ANO6: variants seen among roughly 807,000 people sequenced by gnomAD.
The protein encoded by ANO6 is anoctamin-6.
Under a neutral mutation model 117.5 loss-of-function variants are expected in ANO6, and 106 were observed. That is an observed-to-expected ratio of 0.90 (90% confidence interval 0.77 to 1.06). The LOEUF (loss-of-function observed/expected upper bound fraction) is 1.06. Ranked by LOEUF, ANO6 falls within the 50% of genes least tolerant of loss-of-function variation. ANO6 has a pLI of 0.00. For missense variants in ANO6, 955 were observed against 1,121.1 expected, an observed-to-expected ratio of 0.85 and a Z score of 2.12; for synonymous variants, 367 against 385.1, an observed-to-expected ratio of 0.95 and a Z score of 0.55.
chr12:45,364,059 T>G (rs2137496353), intron 8 of ANO6, among the ~76,000 whole-genome samples: 1 of 152,350 alleles, frequency 6.6e-6, no homozygotes, highest in South Asian at 2.1e-4. Flanking sequence ...GAAGGATGGG[T>G]TTGCTGGATA....
chr12:45,296,996 C>A (rs1333700165), intron 1 of ANO6, among the ~76,000 whole-genome samples: 1 of 151,994 alleles, frequency 6.6e-6, no homozygotes, highest in Non-Finnish European at 1.5e-5. Context: ...CTTTGCCCAA[C>A]TTTGTGAGAT....
chr12:45,339,674 A>G (rs1940924493), intron 3 of ANO6, among the ~76,000 whole-genome samples: 1 of 152,118 alleles, frequency 6.6e-6, no homozygotes. Context: ...CCAACACGTG[A>G]ATTTAAATTA....
downstream of ANO6, among the ~76,000 whole-genome samples, chr12:45,434,422 C>T (rs192708387): frequency 9.2e-5 from 14 of 152,306 alleles, no homozygotes; most frequent in East Asian, 2.1e-3. Context: ...CTGACCACAC[C>T]GCTGGGCTTT....
At chr12:45,418,238 C>T (rs1402532690) in intron 17 of ANO6, among the ~76,000 whole-genome samples, 3 of 152,160 alleles carry the variant, frequency 2.0e-5, no homozygotes, top group Non-Finnish European at 4.4e-5. Context: ...TATCTGGAAC[C>T]TAGCTGTCAT....
intron 2 of ANO6, among the ~76,000 whole-genome samples, chr12:45,321,284 G>T (rs1173064496): frequency 6.6e-6 from 1 of 152,126 alleles, no homozygotes; most frequent in Non-Finnish European, 1.5e-5. Flanking sequence ...AGTTTATAAA[G>T]GTTAGTTGCA....
At chr12:45,273,526 G>A (rs779492427) in intron 1 of ANO6, among the ~76,000 whole-genome samples, 1 of 152,158 alleles carries the variant, frequency 6.6e-6, no homozygotes, top group South Asian at 2.1e-4. Flanking sequence ...GTGATTTTGG[G>A]CAAGTCACTT....
At chr12:45,289,227 T>C (rs1592921735) in intron 1 of ANO6, among the ~76,000 whole-genome samples, 1 of 145,266 alleles carries the variant, frequency 6.9e-6, no homozygotes, top group Non-Finnish European at 1.5e-5. Context: ...AGTGCAGGGG[T>C]GCAATCTCAG....
intron 1 of ANO6, among the ~76,000 whole-genome samples, chr12:45,274,547 C>T (rs1002325359): frequency 6.6e-5 from 10 of 152,140 alleles, no homozygotes; most frequent in African/African-American, 1.9e-4. Context: ...CTCCTGTAGT[C>T]GCTTCCTGCC....
chr12:45,243,525 C>T (rs1947777337), intron 1 of ANO6, among the ~76,000 whole-genome samples: 1 of 151,850 alleles, frequency 6.6e-6, no homozygotes, highest in African/African-American at 2.4e-5. Context: ...TGTTTGTCTT[C>T]TGAGAGATGT....
chr12:45,250,409 T>A (rs898067542), intron 1 of ANO6, among the ~76,000 whole-genome samples: 1 of 152,156 alleles, frequency 6.6e-6, no homozygotes, highest in Non-Finnish European at 1.5e-5. Flanking sequence ...TATTTATTTA[T>A]CGAGATGGGG....
intron 1 of ANO6, among the ~76,000 whole-genome samples, chr12:45,275,697 G>C (rs1938533790): frequency 6.6e-6 from 1 of 152,086 alleles, no homozygotes; most frequent in African/African-American, 2.4e-5. Context: ...TATCTTACTG[G>C]ATCTCTGAGT....
chr12:45,225,622 G>A (rs1947470641), intron 1 of ANO6, among the ~76,000 whole-genome samples: 1 of 152,004 alleles, frequency 6.6e-6, no homozygotes, highest in African/African-American at 2.4e-5. Context: ...CCGAGTAGCT[G>A]GGACTACAGG....
At chr12:45,427,080 A>G (rs34470081) in intron 19 of ANO6, among the ~76,000 whole-genome samples, 23,443 of 151,834 alleles carry the variant, frequency 0.15, 2,778 homozygotes, top group East Asian at 0.35. Context: ...TGGCAACTCC[A>G]TCTCAACACT....
intron 1 of ANO6, among the ~76,000 whole-genome samples, chr12:45,257,174 A>G (rs1379401231): frequency 6.6e-6 from 1 of 152,140 alleles, no homozygotes; most frequent in Non-Finnish European, 1.5e-5. Context: ...GTTTTAATTC[A>G]AGCTCTAACC....
At chr12:45,388,478 A>T (rs995728201) in intron 11 of ANO6, among the ~76,000 whole-genome samples, 175 bp downstream of exon 11, 1 of 152,138 alleles carries the variant, frequency 6.6e-6, no homozygotes, top group Non-Finnish European at 1.5e-5. Context: ...GGTTTTTTTT[A>T]AAGCTCCTTT....
intron 1 of ANO6, among the ~76,000 whole-genome samples, chr12:45,287,359 A>C (rs1302765211): frequency 6.6e-6 from 1 of 152,210 alleles, no homozygotes; most frequent in Non-Finnish European, 1.5e-5. Context: ...ATCTTATGCA[A>C]AATACCTAAC....
chr12:45,254,341 G>A (rs1285863260), intron 1 of ANO6, among the ~76,000 whole-genome samples: 1 of 152,238 alleles, frequency 6.6e-6, no homozygotes, highest in Non-Finnish European at 1.5e-5. Context: ...GGTGGGCCAA[G>A]GAATAGGGGG....
At chr12:45,310,736 G>C (rs1939822062) in intron 2 of ANO6, among the ~76,000 whole-genome samples, 1 of 152,030 alleles carries the variant, frequency 6.6e-6, no homozygotes, top group South Asian at 2.1e-4. Flanking sequence ...GATTTGCTTT[G>C]GGAAGTGCAG....
At chr12:45,218,298 T>C (rs1246627369) in intron 1 of ANO6, among the ~76,000 whole-genome samples, 1 of 152,050 alleles carries the variant, frequency 6.6e-6, no homozygotes, top group Non-Finnish European at 1.5e-5. Flanking sequence ...AAACAGGTCT[T>C]GGCAATATTT....
Sources: allele counts gnomAD v4.1 joint callset (sites outside exome capture counted in the v4.1 genomes callset), GRCh38; gene constraint gnomAD v4.1.1; transcripts MANE v1.5; gene names NCBI Gene and HGNC (gene_info 2026-07-23, HGNC 2026-07-21).